Variants in GNAI3 observed in about 807,000 individuals in gnomAD.
GNAI3 encodes the protein guanine nucleotide-binding protein G(i) subunit alpha-3.
GNAI3 carries 12 observed loss-of-function variants against 41.8 expected under a neutral mutation model. The observed-to-expected ratio is 0.29, with a 90% CI of 0.18 to 0.47. GNAI3 has a LOEUF of 0.47. Ranked by LOEUF, GNAI3 falls within the 20% of genes least tolerant of loss-of-function variation. The probability of loss-of-function intolerance (pLI) is 1.00; values close to 1 mark genes in which losing one functional copy is unlikely to be tolerated. For missense variants in GNAI3, 360 were observed against 429.6 expected, an observed-to-expected ratio of 0.84 and a Z score of 1.43; for synonymous variants, 132 against 146.5, an observed-to-expected ratio of 0.90 and a Z score of 0.71.
chr1:109,571,182 G>GTCTT (rs200112301), intron 1 of GNAI3, among the ~76,000 whole-genome samples: 3,096 of 152,256 alleles, frequency 0.02, 52 homozygotes, highest in Middle Eastern at 0.054. Context: ...GGGAGGAGCA[G>GTCTT]GGTTTGTTTT....
At chr1:109,565,165 G>C (rs1648417446) in intron 1 of GNAI3, among the ~76,000 whole-genome samples, 1 of 151,380 alleles carries the variant, frequency 6.6e-6, no homozygotes, top group Non-Finnish European at 1.5e-5. Context: ...TTGGGAGGCT[G>C]AGACAGAGAA....
At chr1:109,579,044 GACTT>G (rs1332343990) in intron 3 of GNAI3, among the ~76,000 whole-genome samples, 156 bp from the exon 4 acceptor site, 1 of 152,182 alleles carries the variant, frequency 6.6e-6, no homozygotes, top group Admixed American at 6.5e-5. Flanking sequence ...AATAAGGAAA[GACTT>G]AATTATAAAT....
At chr1:109,560,274 A>T (rs1219339752) in intron 1 of GNAI3, among the ~76,000 whole-genome samples, 4 of 152,224 alleles carry the variant, frequency 2.6e-5, no homozygotes, top group African/African-American at 9.6e-5. Context: ...AATACAAAAC[A>T]TCTGTTTCTT....
chr1:109,578,490 A>T (rs937253029), intron 3 of GNAI3, among the ~76,000 whole-genome samples: 5 of 150,362 alleles, frequency 3.3e-5, no homozygotes, highest in Non-Finnish European at 7.4e-5. Flanking sequence ...AAAAAAAAAA[A>T]AGAAAAGAAA....
At position 109,597,135 on chromosome 1, in the gene GNAI3, G is replaced by A. The variant is rs547917278; in HGVS notation, c.*4813G>A. The A allele has an allele frequency of 2.0e-5, 3 of 152,074 alleles. No homozygotes were observed. Among genetic ancestry groups the A allele is most frequent in the Non-Finnish European group, 4.4e-5 (3 of 68,008 alleles). The allele number at this position is 152,074 out of a possible 1,614,324, so 9.4% of individuals were successfully genotyped here. On this transcript the variant is annotated 3_prime_UTR_variant, in exon 9 of 9. Coordinates refer to ENST00000369851, the MANE Select transcript of GNAI3 (RefSeq NM_006496.4). ...TGATTTTGGAGCATTTTAGATTTTG[G>A]ATTTTCAGATTTGAAATGCTCAATC...
intron 1 of GNAI3, among the ~76,000 whole-genome samples, chr1:109,560,783 A>G (rs1057340590): frequency 3.9e-5 from 6 of 152,170 alleles, no homozygotes; most frequent in African/African-American, 1.4e-4. Context: ...TCCTGGGCTC[A>G]AGTGATCCTC....
chr1:109,551,092 CACTTG>C (rs1202597022), intron 1 of GNAI3, among the ~76,000 whole-genome samples: 2 of 152,228 alleles, frequency 1.3e-5, no homozygotes, highest in Non-Finnish European at 1.5e-5. Flanking sequence ...CAAAATTAGA[CACTTG>C]ACTTAGGGAA....
intron 3 of GNAI3, among the ~76,000 whole-genome samples, chr1:109,575,566 G>A (rs1380476030): frequency 7.0e-5 from 7 of 100,652 alleles, no homozygotes; most frequent in African/African-American, 2.1e-4. Context: ...TTTTGGAGAC[G>A]GACTCTCGCC....
chr1:109,585,750 G>A (rs1649019879), intron 5 of GNAI3, among the ~76,000 whole-genome samples: 1 of 151,716 alleles, frequency 6.6e-6, no homozygotes, highest in Admixed American at 6.6e-5. Flanking sequence ...TGTATAATTG[G>A]GATAATAATA....
At chr1:109,583,082 G>C (rs1359466854) in intron 5 of GNAI3, among the ~76,000 whole-genome samples, 1 of 152,170 alleles carries the variant, frequency 6.6e-6, no homozygotes, top group Admixed American at 6.5e-5. Flanking sequence ...GGCTCTTAAA[G>C]TAATTTGTGC....
chr1:109,581,253 T>C (rs1648882458), intron 4 of GNAI3, among the ~76,000 whole-genome samples: 1 of 151,828 alleles, frequency 6.6e-6, no homozygotes, highest in African/African-American at 2.4e-5. Flanking sequence ...TTTTTGGAGG[T>C]ATTTACAATT....
chr1:109,574,780 T>C (rs1648693578), intron 3 of GNAI3, among the ~76,000 whole-genome samples: 1 of 152,170 alleles, frequency 6.6e-6, no homozygotes, highest in Non-Finnish European at 1.5e-5. Flanking sequence ...TTCCTACATC[T>C]AAGGGACTCA....
At chr1:109,585,070 T>G (rs1648999667) in intron 5 of GNAI3, among the ~76,000 whole-genome samples, 1 of 152,246 alleles carries the variant, frequency 6.6e-6, no homozygotes, top group Admixed American at 6.5e-5. Flanking sequence ...GTGTCTTATT[T>G]CTTTCAATTT....
At chr1:109,588,801 G>C (rs1260471332) in intron 7 of GNAI3, among the ~76,000 whole-genome samples, 2 of 152,088 alleles carry the variant, frequency 1.3e-5, no homozygotes, top group Non-Finnish European at 1.5e-5. Flanking sequence ...GCTGAGGCAG[G>C]AGAATCGCTT....
At chr1:109,549,393 G>A (rs1647920494) in intron 1 of GNAI3, among the ~76,000 whole-genome samples, 3 of 152,186 alleles carry the variant, frequency 2.0e-5, no homozygotes, top group South Asian at 4.1e-4. Context: ...GATTATCCAG[G>A]AACATGAAGA....
chr1:109,588,274 C>T (rs909667785), intron 7 of GNAI3, among the ~76,000 whole-genome samples: 49 of 151,442 alleles, frequency 3.2e-4, no homozygotes, highest in African/African-American at 1.0e-3. Flanking sequence ...CCCAGCTACT[C>T]GGGAGGCTGA....
rs1649187901 is a variant in GNAI3 at position 109,592,111 on chromosome 1, G to T, written c.943G>T (p.Asp315Tyr). The T allele has an allele frequency of 6.2e-7, 1 of 1,612,400 alleles. No individual in the cohort carries two copies. The highest frequency in any genetic ancestry group is 8.5e-7 in the Non-Finnish European group (1 of 1,178,582). The change falls in exon 8 of 9, where the codon GAT becomes TAT. Residue 315 changes from aspartate (D) to tyrosine (Y), a missense_variant. Transcript: ENST00000369851. ...GTTTGAAGATCTGAACAGAAGAAAA[G>T]ATACCAAGGAGATCTATACTCACTT... ...CQFEDLNRRKDTKEIYTHFTC... is the reference protein window; with the variant it reads ...CQFEDLNRRKYTKEIYTHFTC...
At chr1:109,586,471 T>C (rs1323063506) in intron 6 of GNAI3, 126 bp downstream of exon 6, 1 of 964,680 alleles carries the variant, frequency 1.0e-6, no homozygotes, top group Non-Finnish European at 1.6e-6. Flanking sequence ...ATTTTTTTGA[T>C]CTGTGCCCTA....
At chr1:109,572,767 A>G (rs1361045709) in intron 1 of GNAI3, among the ~76,000 whole-genome samples, 1 of 152,200 alleles carries the variant, frequency 6.6e-6, no homozygotes, top group Non-Finnish European at 1.5e-5. Context: ...AGAATGACCC[A>G]GTGGAAAGAA....
Sources: gnomAD v4.1 joint callset for allele counts (sites outside exome capture counted in the v4.1 genomes callset) on GRCh38, gnomAD v4.1.1 for gene constraint, MANE v1.5 for transcripts, NCBI Gene and HGNC (gene_info 2026-07-23, HGNC 2026-07-21) for gene names.